CALN1: variants seen among roughly 807,000 people sequenced by gnomAD.
CALN1 encodes the protein calcium-binding protein 8.
In CALN1, 17 loss-of-function variants were observed where a neutral mutation model predicts 30.6. The ratio of observed to expected loss-of-function variants is 0.56; its 90% confidence interval spans 0.38 to 0.83. The LOEUF (loss-of-function observed/expected upper bound fraction) is 0.83, where lower values mean the gene tolerates loss of function less well. CALN1 is among the 40% of genes least tolerant of loss of function. The pLI, the probability that CALN1 is intolerant of heterozygous loss-of-function variation, is 0.00. For missense variants in CALN1, 291 were observed against 354.9 expected (o/e 0.82, Z 1.45); for synonymous variants, 156 against 131.4 (o/e 1.19, Z -1.28).
intron 5 of CALN1, among the ~76,000 whole-genome samples, chr7:71,964,915 T>C (rs1031314963): frequency 3.3e-5 from 5 of 152,224 alleles, no homozygotes; most frequent in African/African-American, 9.6e-5. Context: ...TTTCACTGAC[T>C]TGGGCTGAGC....
chr7:72,179,236 GCT>G (rs1789583478), intron 3 of CALN1, among the ~76,000 whole-genome samples: 2 of 152,232 alleles, frequency 1.3e-5, no homozygotes, highest in Non-Finnish European at 2.9e-5. Flanking sequence ...AACCAGGACA[GCT>G]CTGAGAGGCT....
At chr7:72,079,226 A>C (rs1804954442) in intron 4 of CALN1, among the ~76,000 whole-genome samples, 1 of 152,176 alleles carries the variant, frequency 6.6e-6, no homozygotes, top group African/African-American at 2.4e-5. Context: ...GACCTCGGGC[A>C]ATCGACTTAA....
chr7:71,989,731 C>G (rs1396395398), intron 5 of CALN1, among the ~76,000 whole-genome samples: 1 of 151,970 alleles, frequency 6.6e-6, no homozygotes, highest in Non-Finnish European at 1.5e-5. Context: ...GGAAAATAAA[C>G]ATTATCCTGA....
chr7:72,051,590 A>G (rs1802841831), intron 4 of CALN1, among the ~76,000 whole-genome samples: 1 of 152,242 alleles, frequency 6.6e-6, no homozygotes, highest in Non-Finnish European at 1.5e-5. Context: ...AAAAGCTAAT[A>G]TAACTCTCAT....
chr7:71,877,054 T>C (rs1792288790), intron 5 of CALN1, among the ~76,000 whole-genome samples: 1 of 152,136 alleles, frequency 6.6e-6, no homozygotes, highest in African/African-American at 2.4e-5. Context: ...CAGAAATTGA[T>C]TGTGATAGGA....
chr7:72,215,680 T>A (rs1792746445), intron 3 of CALN1, among the ~76,000 whole-genome samples: 1 of 151,510 alleles, frequency 6.6e-6, no homozygotes, highest in African/African-American at 2.4e-5. Context: ...TGCAAAAGAC[T>A]TGAAATAAAG....
At chr7:72,308,908 C>T (rs1799849816) in intron 2 of CALN1, among the ~76,000 whole-genome samples, 1 of 152,190 alleles carries the variant, frequency 6.6e-6, no homozygotes, top group Non-Finnish European at 1.5e-5. Flanking sequence ...CATGAAATTC[C>T]ATGCAACTAA....
intron 5 of CALN1, among the ~76,000 whole-genome samples, chr7:72,007,895 A>G (rs1799862403): frequency 6.6e-6 from 1 of 152,140 alleles, no homozygotes; most frequent in Admixed American, 6.5e-5. Context: ...GCCTCTGTTG[A>G]ATGAATGAAT....
chr7:71,916,335 C>T (rs935095404), intron 5 of CALN1, among the ~76,000 whole-genome samples: 1 of 151,654 alleles, frequency 6.6e-6, no homozygotes, highest in African/African-American at 2.4e-5. Flanking sequence ...AATCAATCGC[C>T]TGAAACCAAG....
chr7:72,300,234 A>G (rs1799160488), intron 2 of CALN1, among the ~76,000 whole-genome samples: 1 of 152,112 alleles, frequency 6.6e-6, no homozygotes, highest in African/African-American at 2.4e-5. Context: ...CTGATACTTC[A>G]TAGCAATTGA....
chr7:71,950,749 C>T (rs1232666776), intron 5 of CALN1, among the ~76,000 whole-genome samples: 2 of 152,182 alleles, frequency 1.3e-5, no homozygotes, highest in Non-Finnish European at 2.9e-5. Context: ...CCTGATCAGC[C>T]CACTGCACAT....
intron 1 of CALN1, among the ~76,000 whole-genome samples, chr7:72,419,737 G>C (rs556638521): frequency 1.3e-5 from 2 of 152,104 alleles, no homozygotes; most frequent in East Asian, 1.9e-4. Context: ...GTGGCTGACC[G>C]GCAAGGATAC....
At chr7:72,321,777 A>T (rs1449311385) in intron 2 of CALN1, among the ~76,000 whole-genome samples, 6 of 152,124 alleles carry the variant, frequency 3.9e-5, no homozygotes, top group South Asian at 2.1e-4. Flanking sequence ...CTGTCTCCTG[A>T]TTCTCCCTTA....
chr7:71,945,608 C>G (rs1796364552), intron 5 of CALN1, among the ~76,000 whole-genome samples: 1 of 152,114 alleles, frequency 6.6e-6, no homozygotes, highest in South Asian at 2.1e-4. Flanking sequence ...GTGCTCAAAC[C>G]CTATTGTAAA....
chr7:72,193,397 C>G (rs1219906565), intron 3 of CALN1, among the ~76,000 whole-genome samples: 3 of 152,002 alleles, frequency 2.0e-5, no homozygotes, highest in Non-Finnish European at 4.4e-5. Context: ...AGCCATTATC[C>G]AAGCTTGAAA....
In CALN1 at chr7:71,888,781, G is replaced by A. The variant is rs145420838; in HGVS notation, c.502-78289C>T. ...TGGTGGCAAGAGGGGTGACGTGATGGGGCCCATTCCTAGAGGAGAAAGGGG... is the reference window on the plus strand; with the variant it reads ...TGGTGGCAAGAGGGGTGACGTGATGAGGCCCATTCCTAGAGGAGAAAGGGG... On this transcript the variant is annotated intron_variant, in intron 5 of 6. Coordinates refer to ENST00000395275, the MANE Select transcript of CALN1 (RefSeq NM_031468.4). Among the ~76,000 whole-genome samples, 397 of 152,232 alleles carry A rather than the reference G, an allele frequency of 2.6e-3. 1 individual carries two copies. Among genetic ancestry groups the A allele is most frequent in the African/African-American group, 8.8e-3 (367 of 41,544 alleles).
At chr7:72,503,734 A>G in the CALN1 span, among the ~76,000 whole-genome samples, 1 of 152,018 alleles carries the variant, frequency 6.6e-6, no homozygotes, top group African/African-American at 2.4e-5. Flanking sequence ...TCTCCTCTCC[A>G]GCACCTGGAC....
intron 3 of CALN1, among the ~76,000 whole-genome samples, chr7:72,271,890 C>T (rs1797019031): frequency 6.6e-6 from 1 of 151,512 alleles, no homozygotes; most frequent in African/African-American, 2.4e-5. Context: ...GGTGAAACCC[C>T]ATTTCTACTA....
chr7:72,182,257 A>C (rs189207665), intron 3 of CALN1, among the ~76,000 whole-genome samples: 1 of 152,164 alleles, frequency 6.6e-6, no homozygotes, highest in Admixed American at 6.5e-5. Context: ...TCATTGATCA[A>C]GTGTGTCATG....
Sources: allele counts gnomAD v4.1 joint callset (sites outside exome capture counted in the v4.1 genomes callset), GRCh38; gene constraint gnomAD v4.1.1; transcripts MANE v1.5; gene names NCBI Gene and HGNC (gene_info 2026-07-23, HGNC 2026-07-21).